The following FLT3 variants were observed in gnomAD, a reference collection of about 807,000 sequenced individuals.
The protein encoded by FLT3 is fms related receptor tyrosine kinase 3.
A neutral mutation model predicts 126.6 loss-of-function variants in FLT3; 46 were observed. The observed-to-expected ratio is 0.36, with a 90% confidence interval of 0.29 to 0.46. FLT3 has a LOEUF of 0.46. FLT3 is among the 20% of genes least tolerant of loss of function. The pLI is 1.00. For missense variants in FLT3, 1,069 were observed against 1,190.3 expected (o/e 0.90, Z 1.50); for synonymous variants, 404 against 434.4 (o/e 0.93, Z 0.87).
At chr13:28,038,270 A>G (rs748134028) in intron 9 of FLT3, among the ~76,000 whole-genome samples, 9 of 152,110 alleles carry the variant, frequency 5.9e-5, no homozygotes, top group Non-Finnish European at 1.3e-4. Context: ...GGGTTGCTGG[A>G]TACTGCAGTG....
At chr13:28,076,653 T>A (rs1877944351) in intron 1 of FLT3, among the ~76,000 whole-genome samples, 1 of 152,120 alleles carries the variant, frequency 6.6e-6, no homozygotes, top group Non-Finnish European at 1.5e-5. Context: ...GCAGTGTTTG[T>A]AGCATGAGTG....
At chr13:28,068,335 A>T (rs907853684) in intron 2 of FLT3, 2 of 152,222 alleles carry the variant, frequency 1.3e-5, no homozygotes, top group African/African-American at 2.4e-5. Context: ...AGTTGGTGAT[A>T]TGGTTTGGAT....
intron 23 of FLT3, among the ~76,000 whole-genome samples, chr13:28,009,976 C>G (rs913984508): frequency 3.9e-5 from 6 of 152,070 alleles, no homozygotes; most frequent in African/African-American, 9.7e-5. Context: ...AGTATGTGCC[C>G]CCTTTTATCA....
intron 2 of FLT3, among the ~76,000 whole-genome samples, chr13:28,069,443 GA>G (rs1280360322): frequency 1.3e-5 from 2 of 152,130 alleles, no homozygotes; most frequent in African/African-American, 4.8e-5. Flanking sequence ...CAGGCTTGGG[GA>G]AATAGAAATG....
chr13:28,041,669 G>A (rs1039051723), intron 9 of FLT3, among the ~76,000 whole-genome samples: 5 of 152,138 alleles, frequency 3.3e-5, no homozygotes, highest in Non-Finnish European at 5.9e-5. Flanking sequence ...AATGACAACC[G>A]TGTCCTGACC....
At chr13:28,059,387 T>C (rs1041920167) in intron 3 of FLT3, among the ~76,000 whole-genome samples, 1 of 152,140 alleles carries the variant, frequency 6.6e-6, no homozygotes, top group Non-Finnish European at 1.5e-5. Context: ...CCTATGTCCT[T>C]TGCCCCATCT....
intron 1 of FLT3, among the ~76,000 whole-genome samples, chr13:28,076,997 GACA>G (rs1877973962): frequency 6.9e-6 from 1 of 144,880 alleles, no homozygotes; most frequent in Non-Finnish European, 1.5e-5. Flanking sequence ...GGAAGAGACA[GACA>G]GAAAGGAAGG....
chr13:28,028,282 G>C lies in FLT3; in HGVS notation c.1949C>G (p.Ala650Gly). ...QVAVKMLKEK[A>G]DSSEREALMS... ...GAGTGCCTCTCTTTCAGAGCTGTCT[G>C]CTTTTTCTGTCAAAGAAAGGAGCAT... The change falls in exon 16 of 24, where the codon GCA becomes GGA. Residue 650 changes from alanine to glycine, a missense_variant. Coordinates refer to ENST00000241453, the MANE Select transcript of FLT3 (RefSeq NM_004119.3). The C allele has an allele frequency of 6.4e-7, 1 of 1,555,196 alleles. No individual in the cohort carries two copies. Among genetic ancestry groups the C allele is most frequent in the Non-Finnish European group, 8.9e-7 (1 of 1,126,764 alleles).
At chr13:28,029,502 C>T (rs1271905324) in intron 15 of FLT3, among the ~76,000 whole-genome samples, 1 of 152,202 alleles carries the variant, frequency 6.6e-6, no homozygotes, top group Non-Finnish European at 1.5e-5. Context: ...AAAATCCTTA[C>T]AGTTGGCCCT....
rs527442201 is a variant in FLT3, at chr13:28,085,073, G to A, written c.44-14461C>T. Among the ~76,000 whole-genome samples the A allele has an allele frequency of 5.3e-5, 8 of 152,044 alleles. No homozygotes were observed. In the South Asian group the frequency reaches 6.2e-4, roughly 12 times the overall value. On this transcript the variant is annotated intron_variant, in intron 1 of 23. Coordinates refer to ENST00000241453, the MANE Select transcript of FLT3 (RefSeq NM_004119.3). ...CCTGAAAAGATGTGCAAGCCGGGGC[G>A]GTGGCTCACGCCTGTGACACCTCAC...
At chr13:28,066,494 G>T (rs1248633239) in intron 2 of FLT3, among the ~76,000 whole-genome samples, 1 of 152,238 alleles carries the variant, frequency 6.6e-6, no homozygotes, top group African/African-American at 2.4e-5. Context: ...ATTAAGGAAG[G>T]GCTTGGAAAA....
intron 1 of FLT3, among the ~76,000 whole-genome samples, chr13:28,085,343 C>CAAAAA (rs59478584): frequency 3.8e-4 from 31 of 82,278 alleles, no homozygotes; most frequent in African/African-American, 1.4e-3. Context: ...GACTCCATCT[C>CAAAAA]AAAAAAAAAA....
chr13:28,086,486 C>G (rs569722558), intron 1 of FLT3, among the ~76,000 whole-genome samples: 84 of 152,160 alleles, frequency 5.5e-4, no homozygotes, highest in African/African-American at 1.8e-3. Context: ...AGTGAATTGT[C>G]TTTTAAAGAG....
At chr13:28,025,453 T>C (rs1202332945) in intron 17 of FLT3, 4 of 436,972 alleles carry the variant, frequency 9.2e-6, no homozygotes, top group South Asian at 3.3e-5. Context: ...CAAATCTCTT[T>C]TAAGGTATAT....
At chr13:28,034,248 A>C in intron 13 of FLT3, 34 bp from the exon 14 acceptor site, 4 of 1,613,800 alleles carry the variant, frequency 2.5e-6, no homozygotes, top group Non-Finnish European at 3.4e-6. Context: ...AGTTAGGAAT[A>C]GGCAGTTCTG....
Position 28,037,285 on chromosome 13 carries a change from T to A in FLT3, c.1209A>T (p.Ile403=), listed in dbSNP as rs1455153668. Residue 403 remains isoleucine, a synonymous_variant, in exon 10 of 24, where the codon ATA becomes ATT. Transcript: ENST00000241453. The part of the protein sequence containing the change: ...EQKGLDNGYS[I]SKFCNHKHQP... ...GGTGCTTATGATTGCAAAACTTGGA[T>A]ATGCTGTTTGAAAAAGAATTAAAGA... is the stretch of plus-strand genomic sequence containing the variant. The A allele has an allele frequency of 6.3e-6, 10 of 1,595,702 alleles. No homozygotes were observed. Among genetic ancestry groups the A allele is most frequent in the Non-Finnish European group, 8.6e-6 (10 of 1,164,066 alleles).
At position 28,057,767 on chromosome 13, in the gene FLT3, C is replaced by T. The variant is rs568887582; in HGVS notation, c.369-305G>A. ...CTAAAAACACACAGGAGGCCGGGTGCGGTGGCTCATACCTGTAATCTCAGA... is the reference window on the plus strand; with the variant it reads ...CTAAAAACACACAGGAGGCCGGGTGTGGTGGCTCATACCTGTAATCTCAGA... On this transcript the variant is annotated intron_variant, in intron 3 of 23. Transcript: ENST00000241453. Among the ~76,000 whole-genome samples, 11 of 152,250 alleles carry T rather than the reference C, an allele frequency of 7.2e-5. No homozygotes were observed. In the East Asian group the frequency reaches 2.1e-3, roughly 29 times the overall value.
At chr13:28,010,615 A>G (rs1871270566) in intron 23 of FLT3, among the ~76,000 whole-genome samples, 1 of 152,216 alleles carries the variant, frequency 6.6e-6, no homozygotes, top group Admixed American at 6.5e-5. Context: ...TGTTGAGGTT[A>G]GACATAAAAG....
At chr13:28,087,288 T>C (rs1202361816) in intron 1 of FLT3, among the ~76,000 whole-genome samples, 1 of 152,208 alleles carries the variant, frequency 6.6e-6, no homozygotes. Context: ...CAGGCTGGTC[T>C]TGAACTCCTT....
Sources: allele counts gnomAD v4.1 joint callset (sites outside exome capture counted in the v4.1 genomes callset), GRCh38; gene constraint gnomAD v4.1.1; transcripts MANE v1.5; gene names NCBI Gene and HGNC (gene_info 2026-07-23, HGNC 2026-07-21).